The following RBFOX1 variants were observed in gnomAD, a reference collection of about 807,000 sequenced individuals.
The protein encoded by RBFOX1 is RNA binding fox-1 homolog 1.
In RBFOX1, 8 loss-of-function variants were observed where a neutral mutation model predicts 57.7. That is an observed-to-expected ratio of 0.14 (90% CI 0.08 to 0.25). The LOEUF is 0.25. Among genes scored for constraint, RBFOX1 ranks in the 10% least tolerant of loss-of-function variants. The pLI is 1.00. For missense variants in RBFOX1, 611 were observed against 548.5 expected (o/e 1.11, Z -1.14); for synonymous variants, 326 against 222.4 (o/e 1.47, Z -4.15).
chr16:5,785,096 G>A (rs923057073), intron 3 of RBFOX1, among the ~76,000 whole-genome samples: 1 of 152,108 alleles, frequency 6.6e-6, no homozygotes, highest in Non-Finnish European at 1.5e-5. Context: ...ATAAAGGCAT[G>A]CAACTTTTAC....
intron 4 of RBFOX1, among the ~76,000 whole-genome samples, chr16:7,062,731 C>G (rs1375440394): frequency 1.3e-5 from 2 of 151,976 alleles, no homozygotes; most frequent in African/African-American, 4.8e-5. Flanking sequence ...GATTGAAAAC[C>G]TGGAGTTCAT....
intron 3 of RBFOX1, among the ~76,000 whole-genome samples, chr16:6,980,505 C>G (rs1231164769): frequency 1.3e-5 from 2 of 152,162 alleles, no homozygotes; most frequent in Non-Finnish European, 2.9e-5. Context: ...CCTAGGCCCA[C>G]TGGTTATCCA....
At chr16:7,375,001 G>A (rs1355748968) in intron 4 of RBFOX1, among the ~76,000 whole-genome samples, 2 of 152,238 alleles carry the variant, frequency 1.3e-5, no homozygotes, top group Non-Finnish European at 2.9e-5. Context: ...GAGAGGAGAT[G>A]TAGAGATATT....
intron 2 of RBFOX1, among the ~76,000 whole-genome samples, chr16:5,569,437 CCTTTTTTTTTTTT>C (rs1300148540): frequency 1.7e-5 from 1 of 58,622 alleles, no homozygotes; most frequent in African/African-American, 6.1e-5. Context: ...TAAGAAGTAA[CCTTTTTTTTTTTT>C]TTTTTTTTTT....
At chr16:5,869,654 C>T (rs192917960) in intron 4 of RBFOX1, among the ~76,000 whole-genome samples, 21 of 152,254 alleles carry the variant, frequency 1.4e-4, no homozygotes, top group Admixed American at 5.2e-4. Context: ...CTGCCCTCCT[C>T]GGCCTCCCAA....
At chr16:5,774,602 A>G (rs909065049) in intron 3 of RBFOX1, among the ~76,000 whole-genome samples, 2 of 152,242 alleles carry the variant, frequency 1.3e-5, no homozygotes, top group Non-Finnish European at 1.5e-5. Flanking sequence ...TCACCATTGT[A>G]TAAACATTTA....
intron 1 of RBFOX1, among the ~76,000 whole-genome samples, chr16:5,456,918 C>T (rs776620046): frequency 1.6e-4 from 25 of 152,300 alleles, no homozygotes; most frequent in Admixed American, 3.3e-4. Context: ...TAGCACATTC[C>T]ACCTCTAGGC....
chr16:6,331,611 T>C, intron 2 of RBFOX1, among the ~76,000 whole-genome samples: 1 of 21,940 alleles, frequency 4.6e-5, no homozygotes. Flanking sequence ...TATATGTGTA[T>C]ATATATATAT....
chr16:7,454,211 C>A (rs2058009206), intron 4 of RBFOX1, among the ~76,000 whole-genome samples: 2 of 152,134 alleles, frequency 1.3e-5, no homozygotes, highest in African/African-American at 4.8e-5. Context: ...CCAGCCTGGG[C>A]AGGAGGGCGA....
intron 3 of RBFOX1, among the ~76,000 whole-genome samples, chr16:6,809,127 G>T (rs1330779385): frequency 6.6e-6 from 1 of 152,162 alleles, no homozygotes; most frequent in Non-Finnish European, 1.5e-5. Context: ...CCTGTCACCA[G>T]TTCAGCTGTT....
intron 2 of RBFOX1, among the ~76,000 whole-genome samples, chr16:6,578,672 C>T (rs1046445353): frequency 2.9e-5 from 4 of 139,500 alleles, no homozygotes; most frequent in Admixed American, 7.5e-5. Flanking sequence ...GGAGAGAGAA[C>T]CCCAGAGAGA....
At chr16:7,080,378 A>G (rs1312425415) in intron 4 of RBFOX1, among the ~76,000 whole-genome samples, 2 of 152,122 alleles carry the variant, frequency 1.3e-5, no homozygotes. Flanking sequence ...AATCCTAGCA[A>G]CAAGTAACCT....
At chr16:7,647,814 G>A (rs1324680299) in intron 11 of RBFOX1, among the ~76,000 whole-genome samples, 1 of 152,168 alleles carries the variant, frequency 6.6e-6, no homozygotes, top group Non-Finnish European at 1.5e-5. Flanking sequence ...TTCTAAGCCA[G>A]GGTATTTGGC....
At chr16:7,080,661 C>T (rs1053579320) in intron 4 of RBFOX1, among the ~76,000 whole-genome samples, 1 of 152,158 alleles carries the variant, frequency 6.6e-6, no homozygotes, top group Non-Finnish European at 1.5e-5. Flanking sequence ...TAGCTGCATG[C>T]TGCCATTTTG....
chr16:5,432,002 G>T (rs1335265841), intron 1 of RBFOX1, among the ~76,000 whole-genome samples: 1 of 152,132 alleles, frequency 6.6e-6, no homozygotes, highest in Admixed American at 6.5e-5. Context: ...GGCCTAGTGG[G>T]GTGAGAAGGA....
chr16:6,236,648 A>C (rs1043834943), intron 1 of RBFOX1, among the ~76,000 whole-genome samples: 4 of 151,910 alleles, frequency 2.6e-5, no homozygotes, highest in Non-Finnish European at 5.9e-5. Context: ...GTGGGGTTTC[A>C]CCATGTTGTC....
At chr16:6,053,829 A>C (rs982001162) in intron 1 of RBFOX1, among the ~76,000 whole-genome samples, 1 of 152,094 alleles carries the variant, frequency 6.6e-6, no homozygotes, top group Admixed American at 6.6e-5. Context: ...AGGCTGAGGC[A>C]GGAGGATCGC....
At chr16:6,338,313 A>G (rs2084048419) in intron 2 of RBFOX1, among the ~76,000 whole-genome samples, 2 of 152,216 alleles carry the variant, frequency 1.3e-5, no homozygotes, top group African/African-American at 4.8e-5. Context: ...TATTTTTAAT[A>G]CCATGTTAAT....
intron 4 of RBFOX1, among the ~76,000 whole-genome samples, chr16:7,376,073 A>G (rs1050370185): frequency 3.3e-5 from 5 of 152,190 alleles, no homozygotes; most frequent in South Asian, 2.1e-4. Flanking sequence ...AGTACATTGT[A>G]AAAAAGGGAG....
Sources: allele counts gnomAD v4.1 joint callset (sites outside exome capture counted in the v4.1 genomes callset), GRCh38; gene constraint gnomAD v4.1.1; transcripts MANE v1.5; gene names NCBI Gene and HGNC (gene_info 2026-07-23, HGNC 2026-07-21).